Variants in UGGT1 observed in about 807,000 individuals in gnomAD.
UGGT1 encodes UDP-glucose glycoprotein glucosyltransferase 1.
UGGT1 carries 107 observed loss-of-function variants against 203.9 expected under a neutral mutation model. The ratio of observed to expected loss-of-function variants is 0.52; its 90% CI spans 0.45 to 0.62. The LOEUF (loss-of-function observed/expected upper bound fraction) is 0.62. Among genes scored for constraint, UGGT1 ranks in the 20% least tolerant of loss-of-function variants. UGGT1 has a pLI of 0.00. For missense variants in UGGT1, 1,673 were observed against 1,867.2 expected, an observed-to-expected ratio of 0.90 and a Z score of 1.92; for synonymous variants, 628 against 653.5, an observed-to-expected ratio of 0.96 and a Z score of 0.59.
chr2:128,093,695 A>G (rs971605567), intron 1 of UGGT1, among the ~76,000 whole-genome samples: 2 of 152,234 alleles, frequency 1.3e-5, no homozygotes, highest in African/African-American at 2.4e-5. Context: ...AAAGCCAGAG[A>G]ACCAGAGAAG....
rs954766993 is a variant in UGGT1 at position 128,194,588 on chromosome 2, A to T, written c.*4846A>T. 1 of 152,152 alleles carries T rather than the reference A, an allele frequency of 6.6e-6. No homozygotes were observed. Among genetic ancestry groups the T allele is most frequent in the African/African-American group, 2.4e-5 (1 of 41,428 alleles). The allele number at this position is 152,152 out of a possible 1,614,324, so 9.4% of individuals were successfully genotyped here. The stretch of plus-strand genomic sequence containing the variant: ...GTCCCATTGTTGTGTAATTTTAATA[A>T]TTAGTTTTTTAAGTACTTGATTTTA... On this transcript the variant is annotated 3_prime_UTR_variant, in exon 41 of 41. Transcript: ENST00000259253.
rs912567392 is a variant in UGGT1 at position 128,091,263 on chromosome 2, C to T, written c.-95C>T. ...AGCCGCGGGAAAGGCGCGTGTCGGC[C>T]TCTCACTGGCGCAGCCTGCACTGCC... On this transcript the variant is annotated 5_prime_UTR_variant, in exon 1 of 41. Transcript: ENST00000259253. 7.6e-7 allele frequency: 1 copy of T among 1,315,570 alleles called. No individual in the cohort carries two copies. The highest frequency in any genetic ancestry group is 2.9e-5 in the East Asian group (1 of 34,462). The allele number at this position is 1,315,570 out of a possible 1,614,324, so 81.5% of individuals were successfully genotyped here.
In UGGT1 at chr2:128,182,173, A is replaced by T; in HGVS notation, c.4127A>T (p.Asp1376Val). 6.2e-7 allele frequency: 1 copy of T among 1,614,190 alleles called. No homozygotes were observed. Among genetic ancestry groups the T allele is most frequent in the Non-Finnish European group, 8.5e-7 (1 of 1,180,026 alleles). ...DLKELRDFNL[D>V]GAPYGYTPFC... ...AAAGAGTTAAGAGATTTCAATTTGG[A>T]TGGTGCTCCTTATGGTTACACTCCT... The change falls in exon 37 of 41, where the codon GAT (aspartate) becomes GTT (valine). Residue 1376 changes from aspartate to valine, a missense_variant. Coordinates refer to ENST00000259253, the MANE Select transcript of UGGT1 (RefSeq NM_020120.4).
At chr2:128,123,627 T>A (rs1385241693) in intron 11 of UGGT1, among the ~76,000 whole-genome samples, 1 of 152,220 alleles carries the variant, frequency 6.6e-6, no homozygotes, top group Non-Finnish European at 1.5e-5. Context: ...GGTTTAACTT[T>A]CTTTCACTGC....
chr2:128,173,611 C>T (rs930566096), intron 29 of UGGT1, among the ~76,000 whole-genome samples, 170 bp from the exon 30 acceptor site: 1 of 152,180 alleles, frequency 6.6e-6, no homozygotes, highest in African/African-American at 2.4e-5. Context: ...TTTCAGGCAA[C>T]AACTGATCTG....
intron 26 of UGGT1, among the ~76,000 whole-genome samples, chr2:128,166,315 A>G (rs1440368349): frequency 2.0e-5 from 3 of 152,178 alleles, no homozygotes; most frequent in Non-Finnish European, 1.5e-5. Context: ...TTGCATACAC[A>G]CGGTCATATT....
intron 34 of UGGT1, 91 bp from the exon 35 acceptor site, chr2:128,179,695 A>G (rs972803713): frequency 3.8e-5 from 41 of 1,078,586 alleles, no homozygotes; most frequent in Non-Finnish European, 4.9e-5. Context: ...TGCCGTAAAG[A>G]GCATTTAGGT....
At chr2:128,145,468 C>A (rs183377159) in intron 17 of UGGT1, among the ~76,000 whole-genome samples, 3 of 151,160 alleles carry the variant, frequency 2.0e-5, no homozygotes, top group African/African-American at 7.3e-5. Flanking sequence ...ATATGTAGTT[C>A]AGTTTTGACA....
intron 14 of UGGT1, 101 bp from the exon 15 acceptor site, chr2:128,134,775 A>C: frequency 1.0e-6 from 1 of 972,650 alleles, no homozygotes; most frequent in Middle Eastern, 2.0e-4. Flanking sequence ...GCGTAGCTCG[A>C]AAAAGGTTGG....
At chr2:128,109,135 G>A (rs1023529487) in intron 4 of UGGT1, among the ~76,000 whole-genome samples, 4 of 152,072 alleles carry the variant, frequency 2.6e-5, no homozygotes, top group Non-Finnish European at 4.4e-5. Flanking sequence ...CAGGAGATCT[G>A]CCTGCCTCTG....
chr2:128,129,615 T>G (rs1423174769), intron 13 of UGGT1, among the ~76,000 whole-genome samples: 1 of 151,960 alleles, frequency 6.6e-6, no homozygotes, highest in Non-Finnish European at 1.5e-5. Context: ...GTCAGGCTGG[T>G]CTCAAACTCC....
At position 128,113,201 on chromosome 2, in the gene UGGT1, G is replaced by A. The variant is rs1687946076; in HGVS notation, c.639G>A (p.Gln213=). 6.2e-7 allele frequency: 1 copy of A among 1,612,962 alleles called. No homozygotes were observed. The highest frequency in any genetic ancestry group is 1.3e-5 in the African/African-American group (1 of 74,888). The stretch of plus-strand genomic sequence containing the variant: ...AGGAATTTTCCAATTTTCACCGCCA[G>A]CTTATATCAAAAAGCAATGCAGGCA... ...GSEEFSNFHR[Q]LISKSNAGKI... is the part of the protein sequence containing the mutation. Residue 213 remains glutamine, a synonymous_variant, in exon 6 of 41, where the codon CAG becomes CAA. Transcript: ENST00000259253.
chr2:128,107,820 T>C (rs1438602371), intron 3 of UGGT1, 118 bp from the exon 4 acceptor site: 1 of 1,372,890 alleles, frequency 7.3e-7, no homozygotes, highest in Non-Finnish European at 1.0e-6. Context: ...CAAGACAATA[T>C]ACTGGTAAAA....
intron 18 of UGGT1, among the ~76,000 whole-genome samples, chr2:128,146,226 G>A (rs1413478966): frequency 1.3e-5 from 2 of 152,026 alleles, no homozygotes; most frequent in African/African-American, 2.4e-5. Flanking sequence ...TGGAAGGATC[G>A]CTTGAGCCCA....
intron 4 of UGGT1, among the ~76,000 whole-genome samples, 200 bp downstream of exon 4, chr2:128,108,268 A>T (rs1687693436): frequency 6.6e-6 from 1 of 151,938 alleles, no homozygotes; most frequent in South Asian, 2.1e-4. Flanking sequence ...AAATAAAAGA[A>T]TATCTATATA....
chr2:128,177,881 C>T lies in UGGT1; in HGVS notation c.3674C>T (p.Thr1225Met), dbSNP rs903766911. Residue 1225 changes from threonine to methionine, a missense_variant, in exon 33 of 41, where the codon ACG (threonine) becomes ATG (methionine). Coordinates refer to ENST00000259253, the MANE Select transcript of UGGT1 (RefSeq NM_020120.4). The part of the protein sequence containing the change: ...MVNEDLLSDG[T>M]SENESGFWDS... ...AACGAAGACTTGCTGAGTGATGGAA[C>T]GAGTGAGAATGAATCTGGATTTTGG... 1.8e-5 allele frequency: 29 copies of T among 1,603,824 alleles called. No homozygotes were observed. Among genetic ancestry groups the T allele is most frequent in the Admixed American group, 3.4e-5 (2 of 58,072 alleles).
rs150369972 is a variant in UGGT1 at position 128,127,449 on chromosome 2, T to G, written c.1223T>G (p.Phe408Cys). The G allele has an allele frequency of 1.5e-5, 24 of 1,606,166 alleles. No individual in the cohort carries two copies. Among genetic ancestry groups the G allele is most frequent in the Non-Finnish European group, 2.0e-5 (24 of 1,173,378 alleles). ...LHMDLDTQDI[F>C]SLFDVLRNEA... is the part of the protein sequence containing the mutation. ...ATGGATTTAGATACACAGGATATAT[T>G]CAGGTATGGATAATATTTTTCATTC... Residue 408 changes from phenylalanine (F) to cysteine (C), a missense_variant, in exon 12 of 41, where the codon TTC becomes TGC. By Grantham distance (205) the Phe-to-Cys change is radical. Transcript: ENST00000259253.
chr2:128,144,188 AGTT>A (rs1689570739), intron 17 of UGGT1, among the ~76,000 whole-genome samples: 3 of 152,284 alleles, frequency 2.0e-5, no homozygotes, highest in African/African-American at 7.2e-5. Flanking sequence ...TACTAATCTC[AGTT>A]GTTTGTGAGT....
At chr2:128,128,315 CT>C (rs11453340) in intron 12 of UGGT1, among the ~76,000 whole-genome samples, 22 of 141,064 alleles carry the variant, frequency 1.6e-4, no homozygotes, top group Non-Finnish European at 1.7e-4. Flanking sequence ...TCCTTTCTAT[CT>C]TTTTTTTTTT....
Sources: gnomAD v4.1 joint callset for allele counts (sites outside exome capture counted in the v4.1 genomes callset) on GRCh38, gnomAD v4.1.1 for gene constraint, MANE v1.5 for transcripts, NCBI Gene and HGNC (gene_info 2026-07-23, HGNC 2026-07-21) for gene names.